RAB7A: variants seen among roughly 807,000 people sequenced by gnomAD.
RAB7A encodes ras-related protein Rab-7a.
RAB7A carries 2 observed loss-of-function variants against 24.5 expected under a neutral mutation model. That is an observed-to-expected ratio of 0.08 (90% CI 0.03 to 0.26). RAB7A has a LOEUF of 0.26. Among genes scored for constraint, RAB7A ranks in the 10% least tolerant of loss-of-function variants. RAB7A has a pLI of 1.00. For synonymous variants in RAB7A, 100 were observed against 95.9 expected, an observed-to-expected ratio of 1.04 and a Z score of -0.25; for missense variants, 118 against 255.7, an observed-to-expected ratio of 0.46 and a Z score of 3.67.
intron 1 of RAB7A, chr3:128,748,450 G>C (rs1576275094): frequency 6.6e-6 from 1 of 152,434 alleles, no homozygotes; most frequent in Middle Eastern, 3.4e-3. Flanking sequence ...AGGGAAGGTG[G>C]AATATACTTT....
chr3:128,773,476 T>G (rs1422285963), intron 1 of RAB7A, among the ~76,000 whole-genome samples: 5 of 130,794 alleles, frequency 3.8e-5, no homozygotes, highest in Non-Finnish European at 5.0e-5. Flanking sequence ...GAGGTGGGGG[T>G]CAGCCCCCGC....
At chr3:128,730,480 G>A (rs1391359158) in intron 1 of RAB7A, among the ~76,000 whole-genome samples, 6 of 152,074 alleles carry the variant, frequency 3.9e-5, no homozygotes. Context: ...CACCCGCCTC[G>A]GCCTCCCAAA....
intron 1 of RAB7A, among the ~76,000 whole-genome samples, chr3:128,735,745 G>C (rs994841187): frequency 2.6e-5 from 4 of 152,186 alleles, no homozygotes; most frequent in Non-Finnish European, 5.9e-5. Flanking sequence ...TGGGCAGTCT[G>C]TTTTACTGGT....
chr3:128,750,273 T>A (rs1424432949), intron 1 of RAB7A, among the ~76,000 whole-genome samples: 12 of 152,180 alleles, frequency 7.9e-5, no homozygotes, highest in Non-Finnish European at 1.8e-4. Flanking sequence ...TTCTTTTTCT[T>A]TTTTTGAGAC....
Position 128,813,566 on chromosome 3 carries a change from G to C in RAB7A, c.*144G>C. ...CCAAAAGAAAACCCCATCAAACACAGTTACACCCCACATATCTCTCACACA... is the reference window on the plus strand; with the variant it reads ...CCAAAAGAAAACCCCATCAAACACACTTACACCCCACATATCTCTCACACA... On this transcript the variant is annotated 3_prime_UTR_variant, in exon 6 of 6. Transcript: ENST00000265062. 1.4e-6 allele frequency: 1 copy of C among 723,174 alleles called. No homozygotes were observed. The highest frequency in any genetic ancestry group is 2.5e-6 in the Non-Finnish European group (1 of 405,804). The allele number at this position is 723,174 out of a possible 1,614,324, so 44.8% of individuals were successfully genotyped here.
chr3:128,790,312 C>T (rs1419083827), intron 1 of RAB7A, among the ~76,000 whole-genome samples: 1 of 152,156 alleles, frequency 6.6e-6, no homozygotes, highest in Non-Finnish European at 1.5e-5. Context: ...TGTAATTTGT[C>T]TTACATGATG....
chr3:128,773,863 A>G (rs1018277952), intron 1 of RAB7A, among the ~76,000 whole-genome samples: 2 of 151,988 alleles, frequency 1.3e-5, no homozygotes, highest in Non-Finnish European at 2.9e-5. Context: ...GTGCTTTGTT[A>G]AACAGATGCT....
intron 1 of RAB7A, among the ~76,000 whole-genome samples, chr3:128,731,960 G>A (rs905186480): frequency 6.7e-6 from 1 of 148,714 alleles, no homozygotes; most frequent in African/African-American, 2.5e-5. Flanking sequence ...AGCCGGGATC[G>A]TGCCATTGCA....
At chr3:128,765,122 G>A in intron 1 of RAB7A, 2 of 726,520 alleles carry the variant, frequency 2.8e-6, no homozygotes, top group Non-Finnish European at 4.9e-6. Flanking sequence ...CAGAGGGCTG[G>A]CTACGGGCGG....
intron 1 of RAB7A, among the ~76,000 whole-genome samples, chr3:128,756,497 A>G (rs1282005694): frequency 6.6e-6 from 1 of 152,204 alleles, no homozygotes; most frequent in Non-Finnish European, 1.5e-5. Flanking sequence ...AAACATTGCA[A>G]AAAGAAATTA....
intron 1 of RAB7A, among the ~76,000 whole-genome samples, chr3:128,773,903 A>G (rs1020714109): frequency 7.9e-5 from 12 of 151,900 alleles, no homozygotes; most frequent in Admixed American, 7.8e-4. Context: ...AAGAGTCATC[A>G]CCACTCCCTA....
At chr3:128,787,659 G>A (rs947491619) in intron 1 of RAB7A, among the ~76,000 whole-genome samples, 1 of 152,172 alleles carries the variant, frequency 6.6e-6, no homozygotes, top group Non-Finnish European at 1.5e-5. Context: ...AGTCAATCGT[G>A]GTCTGAAAAT....
chr3:128,765,341 A>C (rs2070820468), intron 1 of RAB7A, among the ~76,000 whole-genome samples: 1 of 152,058 alleles, frequency 6.6e-6, no homozygotes, highest in South Asian at 2.1e-4. Flanking sequence ...CTTCCTCACC[A>C]TCCCTGCTTC....
intron 1 of RAB7A, chr3:128,764,882 C>A (rs2070813170): frequency 5.1e-6 from 7 of 1,384,458 alleles, no homozygotes; most frequent in Middle Eastern, 2.3e-4. Flanking sequence ...AAAGCCACAT[C>A]ATCGCGGTCA....
chr3:128,763,311 T>G (rs1389324779), intron 1 of RAB7A, among the ~76,000 whole-genome samples: 1 of 147,968 alleles, frequency 6.8e-6, no homozygotes, highest in Non-Finnish European at 1.5e-5. Context: ...GCCTCCTGGG[T>G]TCAGGCCATT....
intron 1 of RAB7A, among the ~76,000 whole-genome samples, chr3:128,740,712 A>G (rs571046196): frequency 1.5e-4 from 22 of 151,040 alleles, no homozygotes; most frequent in Non-Finnish European, 3.0e-4. Flanking sequence ...CCTAGGCAAC[A>G]TGGTAAGACC....
chr3:128,727,807 CCT>C (rs1360821286), intron 1 of RAB7A, among the ~76,000 whole-genome samples: 1 of 152,168 alleles, frequency 6.6e-6, no homozygotes, highest in Non-Finnish European at 1.5e-5. Flanking sequence ...AATAAAGTCT[CCT>C]CTTAGTGTGT....
chr3:128,798,150 C>T (rs1479453372), intron 3 of RAB7A, 81 bp downstream of exon 3: 1 of 1,521,366 alleles, frequency 6.6e-7, no homozygotes, highest in African/African-American at 1.4e-5. Flanking sequence ...AGACATTTTC[C>T]TTCCCTGTTC....
intron 1 of RAB7A, among the ~76,000 whole-genome samples, chr3:128,726,947 G>A (rs1274813204): frequency 6.6e-6 from 1 of 152,226 alleles, no homozygotes; most frequent in Non-Finnish European, 1.5e-5. Flanking sequence ...GGGAGACAGG[G>A]AGCTTTTTGT....
Sources: gnomAD v4.1 joint callset for allele counts (sites outside exome capture counted in the v4.1 genomes callset) on GRCh38, gnomAD v4.1.1 for gene constraint, MANE v1.5 for transcripts, NCBI Gene and HGNC (gene_info 2026-07-23, HGNC 2026-07-21) for gene names.